The following MYO16 variants were observed in gnomAD, a reference collection of about 807,000 sequenced individuals.
MYO16 encodes myosin XVI.
In MYO16, 94 loss-of-function variants were observed where a neutral mutation model predicts 205.3. The ratio of observed to expected loss-of-function variants is 0.46; its 90% CI spans 0.39 to 0.54. The LOEUF (loss-of-function observed/expected upper bound fraction) is 0.54. MYO16 is among the 20% of genes least tolerant of loss of function. MYO16 has a pLI of 0.00. For synonymous variants in MYO16, 988 were observed against 954.0 expected (o/e 1.04, Z -0.66); for missense variants, 2,315 against 2,387.5 (o/e 0.97, Z 0.63).
At chr13:108,833,320 C>G (rs545671562) in intron 9 of MYO16, among the ~76,000 whole-genome samples, 1 of 150,936 alleles carries the variant, frequency 6.6e-6, no homozygotes, top group African/African-American at 2.4e-5. Context: ...TAATTCAAAT[C>G]TCTCCAAGAG....
chr13:109,055,026 T>C lies in MYO16; in HGVS notation c.3049-20T>C, dbSNP rs1349778509. 2.1e-6 allele frequency: 3 copies of C among 1,461,480 alleles called. No individual in the cohort carries two copies. The highest frequency in any genetic ancestry group is 2.8e-6 in the Non-Finnish European group (3 of 1,064,848). The allele number at this position is 1,461,480 out of a possible 1,614,324, so 90.5% of individuals were successfully genotyped here. ...TTCCTTTCTTTTCTCCTGTCCTTCT[T>C]GTCTTTCTTTTTATTACAGTTATTA... On this transcript the variant is annotated intron_variant, in intron 25 of 34. Coordinates refer to ENST00000457511, the MANE Select transcript of MYO16 (RefSeq NM_001198950.3). The surrounding 1 kb of genome is among the most constrained non-coding windows in gnomAD (Gnocchi z 5.0).
chr13:108,499,670 T>C, the MYO16 span, among the ~76,000 whole-genome samples: 3 of 152,214 alleles, frequency 2.0e-5, no homozygotes, highest in East Asian at 1.9e-4. Flanking sequence ...GTTTACACTC[T>C]CAACTGTGAC....
intron 5 of MYO16, among the ~76,000 whole-genome samples, chr13:108,792,840 T>C (rs1315649703): frequency 6.6e-6 from 1 of 152,150 alleles, no homozygotes; most frequent in African/African-American, 2.4e-5. Flanking sequence ...TCCAGGATAC[T>C]AGATTGCTTT....
intron 4 of MYO16, chr13:108,780,195 CTTAAAA>C (rs1886255601): frequency 6.6e-6 from 1 of 151,950 alleles, no homozygotes; most frequent in South Asian, 2.1e-4. Flanking sequence ...ACTCCCTGGG[CTTAAAA>C]TTTAGAAGAA....
intron 5 of MYO16, among the ~76,000 whole-genome samples, chr13:108,790,671 G>A (rs893667124): frequency 1.1e-4 from 17 of 151,952 alleles, no homozygotes; most frequent in African/African-American, 4.1e-4. Flanking sequence ...AAAGTGATTT[G>A]GGCTACTTTC....
chr13:108,795,588 A>T (rs1052424991), intron 6 of MYO16, among the ~76,000 whole-genome samples: 3 of 152,222 alleles, frequency 2.0e-5, no homozygotes, highest in Non-Finnish European at 4.4e-5. Context: ...ACTTTAGAAG[A>T]CTATAACAAC....
the MYO16 span, among the ~76,000 whole-genome samples, chr13:108,498,075 A>AAAAAAAATATC: frequency 6.6e-6 from 1 of 152,214 alleles, no homozygotes; most frequent in South Asian, 2.1e-4. Context: ...ACATTTGCAT[A>AAAAAAAATATC]AGTGAGAAGA....
chr13:109,050,653 C>A (rs1449926126), intron 24 of MYO16, among the ~76,000 whole-genome samples: 2 of 152,110 alleles, frequency 1.3e-5, no homozygotes, highest in Non-Finnish European at 1.5e-5. Context: ...GATTTTCTTA[C>A]CCCATCTTTC....
At chr13:108,541,850 T>C in the MYO16 span, among the ~76,000 whole-genome samples, 5 of 152,172 alleles carry the variant, frequency 3.3e-5, no homozygotes, top group African/African-American at 1.2e-4. Flanking sequence ...AGAACTCTTA[T>C]ACATTGCTGG....
intron 22 of MYO16, among the ~76,000 whole-genome samples, chr13:109,009,409 C>A (rs1342056524): frequency 6.6e-6 from 1 of 152,064 alleles, no homozygotes; most frequent in African/African-American, 2.4e-5. Flanking sequence ...TCAATGGAAT[C>A]TTTTTTGTTA....
At chr13:108,846,833 G>C (rs918606449) in intron 10 of MYO16, among the ~76,000 whole-genome samples, 3 of 151,988 alleles carry the variant, frequency 2.0e-5, no homozygotes, top group Non-Finnish European at 4.4e-5. Flanking sequence ...CAGGCTAATT[G>C]ATTTCCTACT....
intron 16 of MYO16, among the ~76,000 whole-genome samples, chr13:108,915,300 C>A (rs954724300): frequency 1.3e-5 from 2 of 152,140 alleles, no homozygotes; most frequent in African/African-American, 4.8e-5. Flanking sequence ...AGTAAGACTG[C>A]ACGGATCTGG....
At chr13:108,899,423 C>CAA (rs776957070) in intron 15 of MYO16, among the ~76,000 whole-genome samples, 8 of 134,184 alleles carry the variant, frequency 6.0e-5, no homozygotes, top group African/African-American at 1.4e-4. Context: ...AACTCCATCT[C>CAA]AAAAAAAAAA....
chr13:108,948,275 A>G (rs1002407288), intron 16 of MYO16, among the ~76,000 whole-genome samples: 1 of 152,214 alleles, frequency 6.6e-6, no homozygotes, highest in African/African-American at 2.4e-5. Context: ...ACCAAGTAAA[A>G]AATAGCTCTG....
chr13:108,752,539 C>T (rs987049979), intron 4 of MYO16, among the ~76,000 whole-genome samples: 2 of 152,160 alleles, frequency 1.3e-5, no homozygotes, highest in African/African-American at 4.8e-5. Flanking sequence ...TTTCATTAAC[C>T]CACTGCTCAT....
intron 21 of MYO16, among the ~76,000 whole-genome samples, chr13:109,005,945 C>G (rs890743964): frequency 1.3e-5 from 2 of 152,154 alleles, no homozygotes; most frequent in Non-Finnish European, 2.9e-5. Flanking sequence ...ATGTAATTCT[C>G]AAGTCATTAC....
intron 1 of MYO16, among the ~76,000 whole-genome samples, chr13:108,633,061 G>A (rs1880060064): frequency 6.6e-6 from 1 of 152,252 alleles, no homozygotes; most frequent in South Asian, 2.1e-4. Context: ...GTTTGGGGCA[G>A]CATTGTTTGC....
chr13:109,071,838 A>G (rs537851514), intron 27 of MYO16, among the ~76,000 whole-genome samples: 15 of 152,308 alleles, frequency 9.8e-5, no homozygotes, highest in Non-Finnish European at 1.9e-4. Context: ...TGTCCTAGTG[A>G]AAGATACATT....
rs188756873 is a variant in MYO16 at position 108,810,441 on chromosome 13, T to G, written c.867+3637T>G. The stretch of plus-strand genomic sequence containing the variant: ...ATATAAGGCATCAAAACCAAGATAC[T>G]CTTCTTTTACTCAGACTGAAAAAAC... On this transcript the variant is annotated intron_variant, in intron 7 of 34. Coordinates refer to ENST00000457511, the MANE Select transcript of MYO16 (RefSeq NM_001198950.3). 9.5e-4 allele frequency among the ~76,000 whole-genome samples: 144 copies of G among 152,288 alleles called. 1 individual carries two copies. The Middle Eastern group carries it at 0.031, about 32-fold the overall frequency.
Sources: allele counts gnomAD v4.1 joint callset (sites outside exome capture counted in the v4.1 genomes callset), GRCh38; gene constraint gnomAD v4.1.1; non-coding constraint Gnocchi (gnomAD v3.1); transcripts MANE v1.5; gene names NCBI Gene and HGNC (gene_info 2026-07-23, HGNC 2026-07-21).